ELP4: variants seen among roughly 807,000 people sequenced by gnomAD.
ELP4 encodes elongator complex protein 4.
ELP4 carries 51 observed loss-of-function variants against 48.9 expected under a neutral mutation model. The observed-to-expected ratio is 1.04, with a 90% CI of 0.83 to 1.32. The LOEUF (loss-of-function observed/expected upper bound fraction) is 1.32, where lower values mean the gene tolerates loss of function less well. Ranked by LOEUF, ELP4 falls within the 40% of genes most tolerant of loss-of-function variation. The pLI is 0.00. For missense variants in ELP4, 519 were observed against 514.6 expected (o/e 1.01, Z -0.08); for synonymous variants, 210 against 189.2 (o/e 1.11, Z -0.90).
chr11:31,605,455 A>G (rs1359509555), intron 5 of ELP4, among the ~76,000 whole-genome samples: 1 of 152,096 alleles, frequency 6.6e-6, no homozygotes, highest in Non-Finnish European at 1.5e-5. Flanking sequence ...TAATTTTTCA[A>G]ATAATAGTAA....
chr11:31,512,768 G>T lies in ELP4; in HGVS notation c.223+2761G>T, dbSNP rs563253374. On this transcript the variant is annotated intron_variant, in intron 1 of 9. Coordinates refer to ENST00000640961, the MANE Select transcript of ELP4 (RefSeq NM_019040.5). ...AAGATTATAGCAACTAAAGAATTCT[G>T]GCAGAAATGCCCCCTGCCCTCCGCC... Among the ~76,000 whole-genome samples the T allele has an allele frequency of 2.6e-5, 4 of 151,984 alleles. No homozygotes were observed. The East Asian group carries it at 7.7e-4, about 29-fold the overall frequency.
chr11:31,720,142 C>G (rs1946930080), intron 9 of ELP4, among the ~76,000 whole-genome samples: 1 of 151,906 alleles, frequency 6.6e-6, no homozygotes, highest in South Asian at 2.1e-4. Context: ...CACCACAGTT[C>G]TGTGACTGCA....
chr11:31,732,547 G>A lies in ELP4; in HGVS notation c.1144-50846G>A, dbSNP rs1471195895. On this transcript the variant is annotated intron_variant, in intron 9 of 9. Coordinates refer to ENST00000640961, the MANE Select transcript of ELP4 (RefSeq NM_019040.5). ...GACAGAAAACAACAAAATGGCAATG[G>A]TAACTTCCTCTCTATTCAAAATTAC... 2.0e-5 allele frequency among the ~76,000 whole-genome samples: 3 copies of A among 151,704 alleles called. No individual in the cohort carries two copies. The East Asian group carries it at 5.8e-4, about 29-fold the overall frequency.
chr11:31,789,686 C>A lies in ELP4; in HGVS notation c.*6162C>A, dbSNP rs568482434. 4.3e-5 allele frequency: 30 copies of A among 702,268 alleles called. No individual in the cohort carries two copies. In the South Asian group the frequency reaches 4.5e-4, roughly 10 times the overall value. The allele number at this position is 702,268 out of a possible 1,614,324, so 43.5% of individuals were successfully genotyped here. Reference sequence around the variant, plus strand: ...AAATGCCCATTTACAAATAATACACCAAAATGAATAAAAGTTTGGATACCA... The same window carrying A: ...AAATGCCCATTTACAAATAATACACAAAAATGAATAAAAGTTTGGATACCA... On this transcript the variant is annotated 3_prime_UTR_variant, in exon 10 of 10. Coordinates refer to ENST00000640961, the MANE Select transcript of ELP4 (RefSeq NM_019040.5).
intron 9 of ELP4, among the ~76,000 whole-genome samples, chr11:31,735,663 C>T (rs540518362): frequency 2.6e-5 from 4 of 152,246 alleles, no homozygotes; most frequent in Admixed American, 2.0e-4. Flanking sequence ...AAATCACAAG[C>T]ATTCTTATAC....
intron 9 of ELP4, among the ~76,000 whole-genome samples, chr11:31,704,967 C>T (rs1046208566): frequency 3.3e-4 from 49 of 150,292 alleles, no homozygotes; most frequent in Non-Finnish European, 8.9e-5. Flanking sequence ...GCTGAGATCG[C>T]GCCACTGCAC....
chr11:31,756,783 G>T (rs1947843040), intron 9 of ELP4, among the ~76,000 whole-genome samples: 3 of 152,132 alleles, frequency 2.0e-5, no homozygotes, highest in African/African-American at 7.2e-5. Flanking sequence ...TTGATTTCAG[G>T]CTCTTGCATA....
At chr11:31,661,440 A>G (rs184023822) in intron 9 of ELP4, among the ~76,000 whole-genome samples, 1 of 152,124 alleles carries the variant, frequency 6.6e-6, no homozygotes, top group Non-Finnish European at 1.5e-5. Flanking sequence ...TTGTTTTGCC[A>G]TACTTTAGTA....
intron 9 of ELP4, among the ~76,000 whole-genome samples, chr11:31,765,006 C>T (rs1290996294): frequency 2.6e-5 from 4 of 152,056 alleles, no homozygotes; most frequent in South Asian, 2.1e-4. Context: ...CTCATATAAC[C>T]GTAATCCCCC....
At chr11:31,554,617 T>C (rs1956901313) in intron 3 of ELP4, among the ~76,000 whole-genome samples, 1 of 152,102 alleles carries the variant, frequency 6.6e-6, no homozygotes, top group Non-Finnish European at 1.5e-5. Context: ...TTAGCAAATT[T>C]TAAATATACA....
chr11:31,754,201 C>T (rs933201988), intron 9 of ELP4, among the ~76,000 whole-genome samples: 5 of 152,210 alleles, frequency 3.3e-5, no homozygotes, highest in Non-Finnish European at 7.3e-5. Flanking sequence ...TCTACCCACA[C>T]TTGTTTGCCA....
rs10702222 is a variant in ELP4, at chr11:31,598,503, C to CTTTTTTTTTTTTTTTTTTTTTTTT, written c.513+3624_513+3625insTTTTTTTTTTTTTTTTTTTTTTTT. Among the ~76,000 whole-genome samples, 83 of 77,728 alleles carry CTTTTTTTTTTTTTTTTTTTTTTTT rather than the reference C, an allele frequency of 1.1e-3. 1 individual carries two copies. Among genetic ancestry groups the CTTTTTTTTTTTTTTTTTTTTTTTT allele is most frequent in the Non-Finnish European group, 1.3e-3 (59 of 44,622 alleles). The allele number at this position is 77,728 out of a possible 152,430, so 51.0% of individuals were successfully genotyped here. On this transcript the variant is annotated intron_variant, in intron 4 of 9. Coordinates refer to ENST00000640961, the MANE Select transcript of ELP4 (RefSeq NM_019040.5). ...TTTCCTTTTTTTTTCTTTTCTTCTT[C>CTTTTTTTTTTTTTTTTTTTTTTTT]TTTTTTTTTTTTTTTTTTTTTTGAG...
chr11:31,513,212 A>T (rs1036520701), intron 1 of ELP4, among the ~76,000 whole-genome samples: 60 of 152,238 alleles, frequency 3.9e-4, no homozygotes, highest in African/African-American at 1.4e-3. Flanking sequence ...AGAAAAATGT[A>T]TTTTTTATTG....
intron 9 of ELP4, among the ~76,000 whole-genome samples, chr11:31,661,969 C>G (rs575422284): frequency 6.6e-6 from 1 of 152,094 alleles, no homozygotes; most frequent in African/African-American, 2.4e-5. Context: ...TAGGACTAAT[C>G]CTTATTGAAG....
rs947466638 is a variant in ELP4 at position 31,788,747 on chromosome 11, C to A, written c.*5223C>A. The stretch of plus-strand genomic sequence containing the variant: ...GGGTATAAATGGGCACAGATCTACA[C>A]CCTGCTGTAAGTGGAATTTTTTTCT... On this transcript the variant is annotated 3_prime_UTR_variant, in exon 10 of 10. Coordinates refer to ENST00000640961, the MANE Select transcript of ELP4 (RefSeq NM_019040.5). 9.4e-6 allele frequency: 2 copies of A among 212,716 alleles called. No homozygotes were observed. The allele number at this position is 212,716 out of a possible 1,614,324, so 13.2% of individuals were successfully genotyped here. A position where few individuals can be genotyped will look rare whatever the true frequency, so the allele number is the denominator to read the frequency against.
At chr11:31,623,380 T>TAA (rs1565084225) in intron 5 of ELP4, among the ~76,000 whole-genome samples, 1,333 of 128,380 alleles carry the variant, frequency 0.01, 91 homozygotes, top group African/African-American at 0.037. Flanking sequence ...TATATATATA[T>TAA]ATATATATAT....
chr11:31,748,553 A>G (rs1947649782), intron 9 of ELP4, among the ~76,000 whole-genome samples: 1 of 152,050 alleles, frequency 6.6e-6, no homozygotes, highest in Non-Finnish European at 1.5e-5. Context: ...TCGTAAACCA[A>G]GGTCTTATAG....
intron 7 of ELP4, 157 bp from the exon 8 acceptor site, chr11:31,647,584 C>T (rs570077911): frequency 2.8e-4 from 145 of 515,068 alleles, no homozygotes; most frequent in Non-Finnish European, 4.6e-4. Flanking sequence ...TATTTCCATC[C>T]AGTTTTCAGC....
intron 9 of ELP4, among the ~76,000 whole-genome samples, chr11:31,727,365 G>A (rs182242282): frequency 2.1e-4 from 32 of 152,182 alleles, no homozygotes; most frequent in Non-Finnish European, 3.8e-4. Context: ...GGTAGTTTAT[G>A]GGAGAAGGAG....
Sources: allele counts gnomAD v4.1 joint callset (sites outside exome capture counted in the v4.1 genomes callset), GRCh38; gene constraint gnomAD v4.1.1; transcripts MANE v1.5; gene names NCBI Gene and HGNC (gene_info 2026-07-23, HGNC 2026-07-21).